Variants in SPATA12 observed in about 807,000 individuals in gnomAD.
SPATA12 encodes the protein spermatogenesis associated 12, also known as spermatogenesis-associated protein 12.
For synonymous variants in SPATA12, 85 were observed against 89.2 expected (o/e 0.95, Z 0.26); for missense variants, 219 against 226.4 (o/e 0.97, Z 0.21).
chr3:57,067,165 T>C (rs766763648), intron 1 of SPATA12, among the ~76,000 whole-genome samples: 26 of 152,212 alleles, frequency 1.7e-4, no homozygotes, highest in Admixed American at 8.5e-4. Context: ...AGAATAACAT[T>C]TGTCGGCCAG....
chr3:57,066,538 T>C (rs1485285977), intron 1 of SPATA12, among the ~76,000 whole-genome samples: 1 of 152,188 alleles, frequency 6.6e-6, no homozygotes, highest in South Asian at 2.1e-4. Context: ...GCTGGGACTA[T>C]TGGCGTGAGC....
At chr3:57,067,337 C>A (rs1430855265) in intron 1 of SPATA12, among the ~76,000 whole-genome samples, 1 of 151,634 alleles carries the variant, frequency 6.6e-6, no homozygotes, top group Non-Finnish European at 1.5e-5. Flanking sequence ...CGCCTGTACT[C>A]CCAGTTACTC....
chr3:57,062,205 A>G (rs1464592014), intron 1 of SPATA12, among the ~76,000 whole-genome samples: 2 of 152,144 alleles, frequency 1.3e-5, no homozygotes, highest in Non-Finnish European at 2.9e-5. Flanking sequence ...CAATGTGCCC[A>G]ACCCTCCCCT....
At position 57,069,212 on chromosome 3, in the gene SPATA12, C is replaced by T. The variant is rs564341060; in HGVS notation, c.-329-4154C>T. Among the ~76,000 whole-genome samples, 8 of 152,280 alleles carry T rather than the reference C, an allele frequency of 5.3e-5. No homozygotes were observed. The South Asian group carries it at 1.2e-3, about 24-fold the overall frequency. ...CTAGGATTACAGGCGTGAGCCACCACGCCTGGCCTAGATCTGAGATTTTGA... is the reference window on the plus strand; with the variant it reads ...CTAGGATTACAGGCGTGAGCCACCATGCCTGGCCTAGATCTGAGATTTTGA... On this transcript the variant is annotated intron_variant, in intron 1 of 1. Transcript: ENST00000334325.
chr3:57,066,712 A>G lies in SPATA12; in HGVS notation c.-330+5926A>G, dbSNP rs551944372. Among the ~76,000 whole-genome samples, 123 of 152,328 alleles carry G rather than the reference A, an allele frequency of 8.1e-4. 1 individual carries two copies. Among genetic ancestry groups the G allele is most frequent in the African/African-American group, 2.6e-3 (107 of 41,572 alleles). ...TCTGTGAAGGTATTTTTTAGATGAGATTAACATTTAAATCAGTGGACTTAG... is the reference window on the plus strand; with the variant it reads ...TCTGTGAAGGTATTTTTTAGATGAGGTTAACATTTAAATCAGTGGACTTAG... On this transcript the variant is annotated intron_variant, in intron 1 of 1. Coordinates refer to ENST00000334325, the MANE Select transcript of SPATA12 (RefSeq NM_181727.2).
intron 1 of SPATA12, among the ~76,000 whole-genome samples, chr3:57,070,568 T>C (rs187341926): frequency 5.5e-4 from 83 of 152,282 alleles, no homozygotes; most frequent in African/African-American, 1.9e-3. Context: ...ACAGAGTCAA[T>C]GTAACCCCTG....
At chr3:57,067,643 T>TGGGTAATACA (rs1339133840) in intron 1 of SPATA12, among the ~76,000 whole-genome samples, 48 of 150,870 alleles carry the variant, frequency 3.2e-4, no homozygotes, top group African/African-American at 1.1e-3. Flanking sequence ...GAGACCAGCC[T>TGGGTAATACA]GGGTAATACA....
At chr3:57,066,859 G>A (rs374076134) in intron 1 of SPATA12, among the ~76,000 whole-genome samples, 4 of 152,098 alleles carry the variant, frequency 2.6e-5, no homozygotes, top group East Asian at 1.9e-4. Context: ...TGGGCTCACT[G>A]CAACTCTTCC....
At chr3:57,070,728 G>A (rs1705838677) in intron 1 of SPATA12, among the ~76,000 whole-genome samples, 1 of 152,142 alleles carries the variant, frequency 6.6e-6, no homozygotes, top group African/African-American at 2.4e-5. Flanking sequence ...GCAGGCCAAG[G>A]TGGGAGGACT....
intron 1 of SPATA12, among the ~76,000 whole-genome samples, chr3:57,061,573 T>C (rs575388584): frequency 6.6e-6 from 1 of 152,396 alleles, no homozygotes; most frequent in Admixed American, 6.5e-5. Context: ...ACCTTTTGGC[T>C]ATTGTGAATA....
intron 1 of SPATA12, among the ~76,000 whole-genome samples, chr3:57,069,248 A>T (rs961303100): frequency 3.3e-5 from 5 of 152,136 alleles, no homozygotes; most frequent in African/African-American, 1.2e-4. Context: ...AGACCTCAAA[A>T]CATATATTCT....
chr3:57,074,205 GGCT>G lies in SPATA12; in HGVS notation c.515_517del (p.Cys172del). The G allele has an allele frequency of 1.2e-6, 2 of 1,613,992 alleles. No individual in the cohort carries two copies. The highest frequency in any genetic ancestry group is 1.7e-6 in the Non-Finnish European group (2 of 1,179,994). ...TTCAAACCAACTGACATTTACTGAG[GGCT>G]GCTTTGTCAGGTCCCTCTCTACAGT... On this transcript the variant is annotated inframe_deletion, in exon 2 of 2. Coordinates refer to ENST00000334325, the MANE Select transcript of SPATA12 (RefSeq NM_181727.2).
intron 1 of SPATA12, among the ~76,000 whole-genome samples, chr3:57,066,261 C>T (rs1029916924): frequency 3.8e-4 from 57 of 151,596 alleles, no homozygotes; most frequent in Non-Finnish European, 7.7e-4. Context: ...TTACACTTTT[C>T]CTTTCTTTCT....
At chr3:57,066,007 G>A (rs960165128) in intron 1 of SPATA12, among the ~76,000 whole-genome samples, 1 of 151,750 alleles carries the variant, frequency 6.6e-6, no homozygotes, top group Admixed American at 6.6e-5. Context: ...CTTGAGGCCA[G>A]GAGGGCAACA....
intron 1 of SPATA12, among the ~76,000 whole-genome samples, chr3:57,066,187 G>C (rs1285964550): frequency 6.6e-6 from 1 of 152,110 alleles, no homozygotes; most frequent in African/African-American, 2.4e-5. Context: ...TCAATCAAAG[G>C]GGAGGGAATT....
intron 1 of SPATA12, among the ~76,000 whole-genome samples, chr3:57,062,361 C>T (rs890191448): frequency 1.1e-4 from 17 of 152,248 alleles, no homozygotes; most frequent in African/African-American, 3.4e-4. Flanking sequence ...AGCTCCAGAC[C>T]GGCTACCACA....
intron 1 of SPATA12, among the ~76,000 whole-genome samples, chr3:57,063,677 A>T (rs936555985): frequency 6.6e-6 from 1 of 152,182 alleles, no homozygotes; most frequent in Non-Finnish European, 1.5e-5. Flanking sequence ...CAAGGCTTCG[A>T]GGAAGAGAAA....
At chr3:57,073,060 A>G (rs947405022) in intron 1 of SPATA12, among the ~76,000 whole-genome samples, 1 of 152,082 alleles carries the variant, frequency 6.6e-6, no homozygotes, top group African/African-American at 2.4e-5. Flanking sequence ...TAAATAAATA[A>G]AAGAAAAAAC....
At position 57,071,498 on chromosome 3, in the gene SPATA12, A is replaced by G. The variant is rs547544949; in HGVS notation, c.-329-1868A>G. Among the ~76,000 whole-genome samples the G allele has an allele frequency of 5.3e-5, 8 of 152,150 alleles. No individual in the cohort carries two copies. In the East Asian group the frequency reaches 1.5e-3, roughly 29 times the overall value. On this transcript the variant is annotated intron_variant, in intron 1 of 1. Coordinates refer to ENST00000334325, the MANE Select transcript of SPATA12 (RefSeq NM_181727.2). Reference sequence around the variant, plus strand: ...AACATGGTGAAACCCCGTCTCTACTAAAAATACAAAAATCAGCTGGGTGTG... The same window carrying G: ...AACATGGTGAAACCCCGTCTCTACTGAAAATACAAAAATCAGCTGGGTGTG...
Sources: gnomAD v4.1 joint callset for allele counts (sites outside exome capture counted in the v4.1 genomes callset) on GRCh38, gnomAD v4.1.1 for gene constraint, MANE v1.5 for transcripts, NCBI Gene and HGNC (gene_info 2026-07-23, HGNC 2026-07-21) for gene names.